PGR: variants seen among roughly 807,000 people sequenced by gnomAD.
PGR encodes the protein nuclear receptor subfamily 3 group C member 3.
PGR carries 25 observed loss-of-function variants against 76.1 expected under a neutral mutation model. That is an observed-to-expected ratio of 0.33 (90% CI 0.24 to 0.46). The LOEUF is 0.46. PGR is among the 20% of genes least tolerant of loss of function. PGR has a pLI of 1.00. For missense variants in PGR, 1,172 were observed against 1,225.3 expected (o/e 0.96, Z 0.65); for synonymous variants, 579 against 535.0 (o/e 1.08, Z -1.14).
intron 3 of PGR, chr11:101,063,910 TG>T (rs762711812): frequency 1.3e-5 from 2 of 152,164 alleles, no homozygotes; most frequent in Non-Finnish European, 2.9e-5. Flanking sequence ...GGTACGCCAA[TG>T]GTCTCTTTTC....
At chr11:101,119,805 G>T (rs376468424) in intron 2 of PGR, among the ~76,000 whole-genome samples, 10 of 152,270 alleles carry the variant, frequency 6.6e-5, no homozygotes, top group African/African-American at 2.2e-4. Context: ...AAAGTATAAA[G>T]TAATTAATAT....
intron 3 of PGR, among the ~76,000 whole-genome samples, chr11:101,083,602 T>C (rs1039724332): frequency 6.6e-6 from 1 of 152,216 alleles, no homozygotes; most frequent in Admixed American, 6.5e-5. Context: ...CTTGCATCAG[T>C]ATGCTCTGGA....
intron 3 of PGR, among the ~76,000 whole-genome samples, chr11:101,065,209 T>C (rs1860671115): frequency 6.6e-6 from 1 of 152,194 alleles, no homozygotes; most frequent in Non-Finnish European, 1.5e-5. Flanking sequence ...CTAATGTAGA[T>C]CTGAAGCTTT....
chr11:101,128,252 G>A lies in PGR; in HGVS notation c.819C>T (p.Ser273=), dbSNP rs1036175584. ...GGVALVPKED[S]RFSAPRVALV... ...GGGCGACCCTGGGCGCTGAGAAGCG[G>A]GAATCTTCCTTGGGGACCAGGGCGA... Residue 273 remains serine, a synonymous_variant, in exon 1 of 8, where the codon TCC becomes TCT. Transcript: ENST00000325455. The A allele has an allele frequency of 6.3e-7, 1 of 1,595,392 alleles. No individual in the cohort carries two copies. The highest frequency in any genetic ancestry group is 1.7e-5 in the Admixed American group (1 of 59,366).
chr11:101,044,922 G>C (rs1227519747), intron 6 of PGR, among the ~76,000 whole-genome samples: 1 of 151,944 alleles, frequency 6.6e-6, no homozygotes, highest in East Asian at 1.9e-4. Flanking sequence ...GGCCAGGCTG[G>C]TCTTGAACTC....
intron 3 of PGR, among the ~76,000 whole-genome samples, chr11:101,082,682 T>C (rs958470034): frequency 6.6e-6 from 1 of 152,186 alleles, no homozygotes; most frequent in South Asian, 2.1e-4. Context: ...ATTTGGGGTA[T>C]CTGGTGGAAA....
At chr11:101,052,362 T>C (rs558533656) in intron 4 of PGR, among the ~76,000 whole-genome samples, 1 of 151,628 alleles carries the variant, frequency 6.6e-6, no homozygotes, top group East Asian at 1.9e-4. Flanking sequence ...TTCATCCTCT[T>C]TTAGGCTGTT....
At chr11:101,073,113 TAAC>T (rs1035497755) in intron 3 of PGR, among the ~76,000 whole-genome samples, 1 of 152,138 alleles carries the variant, frequency 6.6e-6, no homozygotes, top group Non-Finnish European at 1.5e-5. Flanking sequence ...ATGGAAATAA[TAAC>T]AAACAGTTTC....
chr11:101,085,218 G>A (rs1413591423), intron 3 of PGR, among the ~76,000 whole-genome samples: 1 of 152,076 alleles, frequency 6.6e-6, no homozygotes, highest in African/African-American at 2.4e-5. Context: ...ATTTTAAAAA[G>A]TCAAAATCAT....
chr11:101,051,797 G>T (rs1171925590), intron 4 of PGR, among the ~76,000 whole-genome samples: 1 of 152,128 alleles, frequency 6.6e-6, no homozygotes, highest in African/African-American at 2.4e-5. Context: ...GCATTTCTGG[G>T]ATTTTGCTAA....
At chr11:101,049,202 T>A (rs973408679) in intron 6 of PGR, among the ~76,000 whole-genome samples, 15 of 152,062 alleles carry the variant, frequency 9.9e-5, no homozygotes, top group Non-Finnish European at 1.5e-4. Context: ...CACCCCAACA[T>A]CTTATCTCAC....
chr11:101,109,965 T>A (rs897660487), intron 2 of PGR, among the ~76,000 whole-genome samples: 12 of 152,168 alleles, frequency 7.9e-5, no homozygotes, highest in Non-Finnish European at 1.3e-4. Context: ...TTATGCTAAA[T>A]CTACTCTGCT....
rs1469839860 is a variant in PGR, at chr11:101,038,971, C to T, written c.*145G>A. On this transcript the variant is annotated 3_prime_UTR_variant, in exon 8 of 8. Coordinates refer to ENST00000325455, the MANE Select transcript of PGR (RefSeq NM_000926.4). ...ATAAAAGAAAATAATTAGAACCTCACAATTTTTCTTTTAAATTTACACACT... is the reference window on the plus strand; with the variant it reads ...ATAAAAGAAAATAATTAGAACCTCATAATTTTTCTTTTAAATTTACACACT... 1.2e-5 allele frequency: 7 copies of T among 586,892 alleles called. No homozygotes were observed. In the Admixed American group the frequency reaches 1.3e-4, roughly 11 times the overall value. The allele number at this position is 586,892 out of a possible 1,614,324, so 36.4% of individuals were successfully genotyped here.
intron 2 of PGR, among the ~76,000 whole-genome samples, chr11:101,097,382 GC>G (rs1314282503): frequency 6.6e-6 from 1 of 152,044 alleles, no homozygotes; most frequent in Non-Finnish European, 1.5e-5. Context: ...TCTCATAAAG[GC>G]TTTAGACATT....
At chr11:101,043,122 A>C (rs12275716) in intron 6 of PGR, among the ~76,000 whole-genome samples, 7 of 152,116 alleles carry the variant, frequency 4.6e-5, no homozygotes, top group Admixed American at 2.0e-4. Flanking sequence ...ATGGCAATTT[A>C]CCCACAATAG....
intron 6 of PGR, among the ~76,000 whole-genome samples, chr11:101,049,186 G>A (rs1395743368): frequency 1.3e-5 from 2 of 151,966 alleles, no homozygotes; most frequent in Non-Finnish European, 2.9e-5. Context: ...CAATATCACT[G>A]TCATCCACCC....
Position 101,121,369 on chromosome 11 carries a change from G to A in PGR, c.1789+4638C>T, listed in dbSNP as rs1301234185. Reference sequence around the variant, plus strand: ...AAAGCATTACAGAGCTCTAAATATAGAACAAATAAATCACAGAAGTTGCTG... The same window carrying A: ...AAAGCATTACAGAGCTCTAAATATAAAACAAATAAATCACAGAAGTTGCTG... On this transcript the variant is annotated intron_variant, in intron 2 of 7. Transcript: ENST00000325455. 5.7e-4 allele frequency among the ~76,000 whole-genome samples: 86 copies of A among 152,146 alleles called. 1 individual carries two copies. Among genetic ancestry groups the A allele is most frequent in the Admixed American group, 5.6e-3 (86 of 15,284 alleles).
In PGR at chr11:101,039,072, AG is replaced by A. The variant is rs1256354700; in HGVS notation, c.*43del. The A allele has an allele frequency of 6.5e-7, 1 of 1,528,660 alleles. No homozygotes were observed. Among genetic ancestry groups the A allele is most frequent in the South Asian group, 1.1e-5 (1 of 89,190 alleles). 94.7% of individuals were successfully genotyped at this position (1,528,660 alleles called of 1,614,324 possible). A position where few individuals can be genotyped will look rare whatever the true frequency, so the allele number is the denominator to read the frequency against. On this transcript the variant is annotated 3_prime_UTR_variant, in exon 8 of 8. Coordinates refer to ENST00000325455, the MANE Select transcript of PGR (RefSeq NM_000926.4). Reference sequence around the variant, plus strand: ...CCTCATAATCCTGACCAAAACAAAAAGACATACCACAAAATTTAATTCTTTA... The same window carrying A: ...CCTCATAATCCTGACCAAAACAAAAAACATACCACAAAATTTAATTCTTTA...
At position 101,034,678 on chromosome 11, in the gene PGR, T is replaced by A; in HGVS notation, c.*4438A>T. On this transcript the variant is annotated 3_prime_UTR_variant, in exon 8 of 8. Transcript: ENST00000325455. Reference sequence around the variant, plus strand: ...TGATGGTCTGTAAGGCCTTCTTTCCTAAGTTTATTAATAAATAGGGATGTG... The same window carrying A: ...TGATGGTCTGTAAGGCCTTCTTTCCAAAGTTTATTAATAAATAGGGATGTG... 5.8e-6 allele frequency: 1 copy of A among 171,826 alleles called. No homozygotes were observed. 10.6% of individuals were successfully genotyped at this position (171,826 alleles called of 1,614,324 possible).
Sources: gnomAD v4.1 joint callset for allele counts (sites outside exome capture counted in the v4.1 genomes callset) on GRCh38, gnomAD v4.1.1 for gene constraint, MANE v1.5 for transcripts, NCBI Gene and HGNC (gene_info 2026-07-23, HGNC 2026-07-21) for gene names.